Variants in RPAP3 observed in about 807,000 individuals in gnomAD.
RPAP3 encodes RNA polymerase II associated protein 3.
A neutral mutation model predicts 88.8 loss-of-function variants in RPAP3; 58 were observed. That is an observed-to-expected ratio of 0.65 (90% CI 0.53 to 0.81). RPAP3 has a LOEUF of 0.81. Among genes scored for constraint, RPAP3 ranks in the 40% least tolerant of loss-of-function variants. RPAP3 has a pLI of 0.00. For missense variants in RPAP3, 751 were observed against 764.3 expected (o/e 0.98, Z 0.20); for synonymous variants, 255 against 259.9 (o/e 0.98, Z 0.18).
intron 13 of RPAP3, 93 bp from the exon 14 acceptor site, chr12:47,669,195 T>C (rs1938945103): frequency 2.6e-6 from 2 of 755,836 alleles, no homozygotes; most frequent in Non-Finnish European, 4.3e-6. Context: ...AATTTTTGAC[T>C]ATTAATATTG....
intron 5 of RPAP3, chr12:47,696,037 T>C (rs1939519293): frequency 3.1e-6 from 1 of 317,652 alleles, no homozygotes; most frequent in Non-Finnish European, 5.7e-6. Context: ...TATTACTAAA[T>C]CTTTAGAGGA....
chr12:47,665,038 G>A (rs1002756289), intron 16 of RPAP3, among the ~76,000 whole-genome samples: 8 of 151,928 alleles, frequency 5.3e-5, no homozygotes, highest in East Asian at 1.9e-4. Context: ...GATATTCTAC[G>A]TTGAGAGAAC....
chr12:47,682,441 T>C (rs1473304154), intron 9 of RPAP3, among the ~76,000 whole-genome samples: 1 of 152,288 alleles, frequency 6.6e-6, no homozygotes, highest in South Asian at 2.1e-4. Context: ...CATATATTAA[T>C]AGGACATTAA....
intron 13 of RPAP3, among the ~76,000 whole-genome samples, chr12:47,669,772 A>G (rs2136608573): frequency 6.6e-6 from 1 of 152,322 alleles, no homozygotes; most frequent in Non-Finnish European, 1.5e-5. Flanking sequence ...CATAAATTCT[A>G]CATTTTTATG....
At position 47,681,770 on chromosome 12, in the gene RPAP3, C is replaced by G; in HGVS notation, c.1040G>C (p.Gly347Ala). The change falls in exon 10 of 17, where the codon GGC becomes GCC. Residue 347 changes from glycine (G) to alanine (A), a missense_variant. Gly to Ala is a moderately conservative substitution (Grantham distance 60). Coordinates refer to ENST00000005386, the MANE Select transcript of RPAP3 (RefSeq NM_024604.3). Reference protein sequence around the residue: ...KDCTQAILLDGSYSKAFARRG... With the variant: ...KDCTQAILLDASYSKAFARRG... ...TCTGGCAAAAGCTTTAGAATATGAG[C>G]CATCTAATAAAATGGCTTGTGTGCA... 6.2e-7 allele frequency: 1 copy of G among 1,611,156 alleles called. No homozygotes were observed. Among genetic ancestry groups the G allele is most frequent in the Non-Finnish European group, 8.5e-7 (1 of 1,178,724 alleles).
At chr12:47,671,227 T>C (rs929871705) in intron 12 of RPAP3, among the ~76,000 whole-genome samples, 2 of 152,160 alleles carry the variant, frequency 1.3e-5, no homozygotes, top group African/African-American at 2.4e-5. Context: ...TGAGGAGCTA[T>C]TGTTACACCA....
At chr12:47,699,468 CCT>C (rs1939610838) in intron 3 of RPAP3, 1 of 152,156 alleles carries the variant, frequency 6.6e-6, no homozygotes, top group Non-Finnish European at 1.5e-5. Flanking sequence ...CAAAATTTTA[CCT>C]CTCTTATATT....
chr12:47,696,253 C>T, intron 5 of RPAP3, 23 bp downstream of exon 5: 1 of 1,495,324 alleles, frequency 6.7e-7, no homozygotes, highest in Non-Finnish European at 8.9e-7. Flanking sequence ...TTCACATTCA[C>T]ACACGTCACA....
intron 8 of RPAP3, among the ~76,000 whole-genome samples, chr12:47,687,584 TA>T (rs1418554961): frequency 6.6e-6 from 1 of 152,204 alleles, no homozygotes; most frequent in African/African-American, 2.4e-5. Context: ...GAATGGATTG[TA>T]ATTAACTTCT....
rs768816369 is a variant in RPAP3, at chr12:47,690,565, C to T, written c.620G>A (p.Arg207Gln). 4 of 1,604,914 alleles carry T rather than the reference C, an allele frequency of 2.5e-6. No homozygotes were observed. Among genetic ancestry groups the T allele is most frequent in the African/African-American group, 2.7e-5 (2 of 74,712 alleles). ...NRSYTKAYSR[R>Q]GAARFALQKL... The stretch of plus-strand genomic sequence containing the variant: ...TTGCAAAGCAAATCGAGCAGCACCT[C>T]GTCTGGAATAAGCCTTTGTATAACT... The change falls in exon 6 of 17, where the codon CGA becomes CAA. Residue 207 changes from arginine to glutamine, a missense_variant. By Grantham distance (43) the Arg-to-Gln change is conservative. Coordinates refer to ENST00000005386, the MANE Select transcript of RPAP3 (RefSeq NM_024604.3).
chr12:47,678,735 A>G (rs1939165142), intron 12 of RPAP3, among the ~76,000 whole-genome samples: 1 of 152,228 alleles, frequency 6.6e-6, no homozygotes, highest in African/African-American at 2.4e-5. Context: ...CAATCATTAA[A>G]AAGTCAGGAA....
chr12:47,674,434 G>A (rs971434825), intron 12 of RPAP3, among the ~76,000 whole-genome samples: 4 of 152,106 alleles, frequency 2.6e-5, no homozygotes, highest in African/African-American at 7.2e-5. Flanking sequence ...CAGAAGGTCC[G>A]TAATACAAAC....
intron 16 of RPAP3, among the ~76,000 whole-genome samples, chr12:47,665,583 T>C (rs567992247): frequency 6.6e-6 from 1 of 150,648 alleles, no homozygotes; most frequent in Non-Finnish European, 1.5e-5. Context: ...AAACTTTTGG[T>C]TTAAACCCTC....
chr12:47,698,274 C>G (rs7315257), intron 3 of RPAP3, among the ~76,000 whole-genome samples: 6,518 of 151,920 alleles, frequency 0.043, 459 homozygotes, highest in African/African-American at 0.14. Context: ...GGTCACTCAG[C>G]TAGTAAGTGA....
chr12:47,693,163 G>T (rs1939460854), intron 5 of RPAP3, among the ~76,000 whole-genome samples: 1 of 152,178 alleles, frequency 6.6e-6, no homozygotes, highest in Non-Finnish European at 1.5e-5. Flanking sequence ...TTACAGGTGT[G>T]AGCCACCATG....
chr12:47,673,644 G>C (rs1939046014), intron 12 of RPAP3, among the ~76,000 whole-genome samples: 1 of 151,926 alleles, frequency 6.6e-6, no homozygotes, highest in Non-Finnish European at 1.5e-5. Flanking sequence ...GAAGAAAACT[G>C]TTATGCAAAG....
At chr12:47,704,779 G>A (rs12812460) in intron 1 of RPAP3, among the ~76,000 whole-genome samples, 29,946 of 151,784 alleles carry the variant, frequency 0.2, 2,999 homozygotes, top group African/African-American at 0.26. Context: ...AGGTTGGGGG[G>A]CAGGGGGAAT....
Position 47,682,841 on chromosome 12 carries a change from A to G in RPAP3, c.993-1024T>C, listed in dbSNP as rs535021086. 3.2e-4 allele frequency among the ~76,000 whole-genome samples: 48 copies of G among 152,324 alleles called. 1 individual carries two copies. Among genetic ancestry groups the G allele is most frequent in the African/African-American group, 1.1e-3 (46 of 41,564 alleles). ...CACTTTCCAGCAAGAGATAAAGAATATATCTGTGTTCATGCCCTTATCAAT... is the reference window on the plus strand; with the variant it reads ...CACTTTCCAGCAAGAGATAAAGAATGTATCTGTGTTCATGCCCTTATCAAT... On this transcript the variant is annotated intron_variant, in intron 9 of 16. Coordinates refer to ENST00000005386, the MANE Select transcript of RPAP3 (RefSeq NM_024604.3).
At position 47,663,333 on chromosome 12, in the gene RPAP3, T is replaced by G. The variant is rs1938796974; in HGVS notation, c.*172A>C. On this transcript the variant is annotated 3_prime_UTR_variant, in exon 17 of 17. Transcript: ENST00000005386. ...TTATTTTCAGAAAAACAGAGTTCACTTGAATACAATTCTCACTAGTTAAAT... is the reference window on the plus strand; with the variant it reads ...TTATTTTCAGAAAAACAGAGTTCACGTGAATACAATTCTCACTAGTTAAAT... The G allele has an allele frequency of 4.1e-6, 2 of 490,606 alleles. No homozygotes were observed. Among genetic ancestry groups the G allele is most frequent in the South Asian group, 6.7e-5 (2 of 29,668 alleles). 30.4% of individuals were successfully genotyped at this position (490,606 alleles called of 1,614,324 possible).
Sources: allele counts gnomAD v4.1 joint callset (sites outside exome capture counted in the v4.1 genomes callset), GRCh38; gene constraint gnomAD v4.1.1; transcripts MANE v1.5; gene names NCBI Gene and HGNC (gene_info 2026-07-23, HGNC 2026-07-21).